The following PCDH15 variants were observed in gnomAD, a reference collection of about 807,000 sequenced individuals.
PCDH15 encodes the protein protocadherin related 15.
A neutral mutation model predicts 178.5 loss-of-function variants in PCDH15; 129 were observed. The observed-to-expected ratio is 0.72, with a 90% CI of 0.63 to 0.84. The LOEUF is 0.84. Among genes scored for constraint, PCDH15 ranks in the 40% least tolerant of loss-of-function variants. PCDH15 has a pLI of 0.00. For synonymous variants in PCDH15, 800 were observed against 732.0 expected (o/e 1.09, Z -1.50); for missense variants, 2,230 against 2,099.9 (o/e 1.06, Z -1.21).
intron 3 of PCDH15, among the ~76,000 whole-genome samples, chr10:54,853,326 C>CAT (rs1167637053): frequency 0.12 from 14,415 of 121,096 alleles, 1,331 homozygotes; most frequent in Admixed American, 0.25. Flanking sequence ...TATACATACA[C>CAT]ACACATATAC....
chr10:54,860,332 T>C (rs1321270016), intron 3 of PCDH15, among the ~76,000 whole-genome samples: 4 of 152,216 alleles, frequency 2.6e-5, no homozygotes, highest in East Asian at 1.9e-4. Context: ...CCAGTGTCTA[T>C]TGTTCCCATC....
intron 2 of PCDH15, among the ~76,000 whole-genome samples, chr10:54,937,178 T>G (rs750333790): frequency 6.6e-6 from 1 of 151,880 alleles, no homozygotes; most frequent in African/African-American, 2.4e-5. Flanking sequence ...TCTGTGTCTA[T>G]CCTATGTCAA....
chr10:54,249,606 T>G (rs2056297632), intron 8 of PCDH15, among the ~76,000 whole-genome samples: 1 of 152,162 alleles, frequency 6.6e-6, no homozygotes, highest in African/African-American at 2.4e-5. Context: ...TATTTTCAGT[T>G]TGTTGTTTGC....
intron 15 of PCDH15, among the ~76,000 whole-genome samples, chr10:54,107,802 G>A (rs995083812): frequency 2.0e-5 from 3 of 152,076 alleles, no homozygotes; most frequent in Non-Finnish European, 4.4e-5. Flanking sequence ...TCAAAACCTT[G>A]GAAAAGGGTT....
intron 20 of PCDH15, among the ~76,000 whole-genome samples, chr10:54,016,666 C>A (rs1285858934): frequency 2.6e-5 from 4 of 152,056 alleles, no homozygotes; most frequent in Non-Finnish European, 5.9e-5. Context: ...CACTTAGAAG[C>A]TGAAGGTAAA....
chr10:54,309,316 TAC>T (rs2060750031), intron 8 of PCDH15, among the ~76,000 whole-genome samples: 3 of 100,960 alleles, frequency 3.0e-5, no homozygotes, highest in African/African-American at 1.4e-4. Flanking sequence ...TATATATACG[TAC>T]ATACACACAC....
intron 21 of PCDH15, among the ~76,000 whole-genome samples, chr10:53,974,153 G>A (rs189537335): frequency 1.4e-4 from 22 of 152,146 alleles, no homozygotes; most frequent in African/African-American, 2.2e-4. Context: ...AAGTAGCTGC[G>A]ATTACAGGGA....
chr10:54,587,524 AAC>A (rs2091574984), intron 2 of PCDH15, among the ~76,000 whole-genome samples: 1 of 128,694 alleles, frequency 7.8e-6, no homozygotes, highest in African/African-American at 2.9e-5. Flanking sequence ...CAAAAACCCA[AAC>A]ACACAATAAA....
At chr10:54,976,878 A>G (rs143888523) in intron 2 of PCDH15, among the ~76,000 whole-genome samples, 96 of 152,306 alleles carry the variant, frequency 6.3e-4, no homozygotes, top group African/African-American at 2.0e-3. Context: ...AAGTTAAACC[A>G]TAAGCTAAAT....
intron 13 of PCDH15, among the ~76,000 whole-genome samples, chr10:54,174,759 GC>G (rs1253917183): frequency 7.7e-6 from 1 of 129,546 alleles, no homozygotes; most frequent in Non-Finnish European, 1.6e-5. Context: ...AGCCGGGAGT[GC>G]AATGGCGCGA....
At chr10:54,957,745 T>C (rs1219518) in intron 2 of PCDH15, among the ~76,000 whole-genome samples, 111,597 of 151,494 alleles carry the variant, frequency 0.74, 41,168 homozygotes, top group East Asian at 0.89. Context: ...TCAGAAGCCA[T>C]TTTAAGCTTG....
At chr10:55,465,125 T>G (rs767533368) in intron 2 of PCDH15, among the ~76,000 whole-genome samples, 15 of 152,138 alleles carry the variant, frequency 9.9e-5, no homozygotes, top group Middle Eastern at 6.8e-3. Flanking sequence ...AGGGTGTGTA[T>G]GCACACACAC....
At chr10:55,559,418 A>G (rs1412554190) in intron 2 of PCDH15, among the ~76,000 whole-genome samples, 2 of 151,982 alleles carry the variant, frequency 1.3e-5, no homozygotes, top group African/African-American at 4.8e-5. Flanking sequence ...ATGATAAACT[A>G]TTTTCAAAAG....
chr10:54,184,244 TAA>T (rs1262991116), intron 12 of PCDH15, among the ~76,000 whole-genome samples: 1 of 152,182 alleles, frequency 6.6e-6, no homozygotes, highest in Non-Finnish European at 1.5e-5. Flanking sequence ...AACAATCACA[TAA>T]ACTTTCCTGG....
At chr10:54,482,907 G>T (rs938289217) in intron 3 of PCDH15, among the ~76,000 whole-genome samples, 14 of 151,778 alleles carry the variant, frequency 9.2e-5, no homozygotes, top group African/African-American at 3.4e-4. Context: ...GGGGGACTAT[G>T]CAAGGAGTAA....
chr10:55,003,968 G>GGCCCA (rs1267591437), intron 2 of PCDH15, among the ~76,000 whole-genome samples: 3 of 152,200 alleles, frequency 2.0e-5, no homozygotes, highest in Non-Finnish European at 4.4e-5. Context: ...GGGCTCGGGA[G>GGCCCA]GCCTTTGGAG....
chr10:55,446,487 C>T (rs969769762), intron 2 of PCDH15, among the ~76,000 whole-genome samples: 7 of 152,058 alleles, frequency 4.6e-5, no homozygotes, highest in African/African-American at 1.4e-4. Context: ...ATCTCCCAAA[C>T]TGTGGTATCA....
intron 3 of PCDH15, among the ~76,000 whole-genome samples, chr10:54,431,269 T>C (rs1443145964): frequency 6.6e-6 from 1 of 151,780 alleles, no homozygotes; most frequent in Non-Finnish European, 1.5e-5. Context: ...AGGCCAGTAT[T>C]ATCCTGATAT....
intron 4 of PCDH15, among the ~76,000 whole-genome samples, chr10:54,370,496 G>A (rs762863263): frequency 6.6e-6 from 1 of 151,868 alleles, no homozygotes; most frequent in Non-Finnish European, 1.5e-5. Context: ...CCTCTTTCCA[G>A]TAACCAGCCC....
Sources: allele counts gnomAD v4.1 joint callset (sites outside exome capture counted in the v4.1 genomes callset), GRCh38; gene constraint gnomAD v4.1.1; transcripts MANE v1.5; gene names NCBI Gene and HGNC (gene_info 2026-07-23, HGNC 2026-07-21).